UGT1A8: variants seen among roughly 807,000 people sequenced by gnomAD.
The protein encoded by UGT1A8 is UDP-glucuronosyltransferase 1A8.
Under a neutral mutation model 45.3 loss-of-function variants are expected in UGT1A8, and 39 were observed. The observed-to-expected ratio is 0.86, with a 90% CI of 0.67 to 1.12. UGT1A8 has a LOEUF of 1.12. Ranked by LOEUF, UGT1A8 falls within the 50% of genes most tolerant of loss-of-function variation. The pLI, the probability that UGT1A8 is intolerant of heterozygous loss-of-function variation, is 0.00. For missense variants in UGT1A8, 719 were observed against 664.9 expected (o/e 1.08, Z -0.90); for synonymous variants, 275 against 249.2 (o/e 1.10, Z -0.97).
chr2:233,659,028 C>T (rs2073912787), intron 1 of UGT1A8, among the ~76,000 whole-genome samples: 2 of 152,162 alleles, frequency 1.3e-5, no homozygotes, highest in African/African-American at 4.8e-5. Context: ...TACAGTTCAA[C>T]TGGGGAGAAA....
chr2:233,756,842 A>T (rs544297535), intron 1 of UGT1A8, among the ~76,000 whole-genome samples: 73 of 152,236 alleles, frequency 4.8e-4, no homozygotes, highest in African/African-American at 1.7e-3. Context: ...TTAACCAAAG[A>T]ACATTCTAAC....
intron 1 of UGT1A8, among the ~76,000 whole-genome samples, chr2:233,670,299 A>G (rs1212968693): frequency 6.6e-6 from 1 of 152,188 alleles, no homozygotes; most frequent in Admixed American, 6.5e-5. Context: ...CAGAGGGGGA[A>G]GAAGTGGAGG....
chr2:233,628,490 C>T (rs997590946), intron 1 of UGT1A8, among the ~76,000 whole-genome samples: 7 of 152,036 alleles, frequency 4.6e-5, no homozygotes, highest in South Asian at 2.1e-4. Flanking sequence ...GCTAAACTTA[C>T]GTATTTGTTC....
chr2:233,645,226 G>A (rs2073568388), intron 1 of UGT1A8, among the ~76,000 whole-genome samples: 1 of 152,160 alleles, frequency 6.6e-6, no homozygotes, highest in South Asian at 2.1e-4. Context: ...AACAGCATGG[G>A]AAAGACCTGC....
chr2:233,666,386 C>T (rs2074076034), intron 1 of UGT1A8, among the ~76,000 whole-genome samples: 2 of 152,158 alleles, frequency 1.3e-5, no homozygotes, highest in South Asian at 4.1e-4. Flanking sequence ...TTCATTGCAG[C>T]TATTTTAACG....
Position 233,769,884 on chromosome 2 carries a change from C to T in UGT1A8, c.1295+1445C>T, listed in dbSNP as rs1466829536. On this transcript the variant is annotated intron_variant, in intron 4 of 4. Transcript: ENST00000373450. The surrounding 1 kb of genome is among the most constrained non-coding windows in gnomAD (Gnocchi z 4.4). The stretch of plus-strand genomic sequence containing the variant: ...AAAAAAAAAAAAAAAATGAAAAGTC[C>T]ACATAACCTGAGCATCATGTGCCCA... 5.0e-6 allele frequency: 2 copies of T among 403,872 alleles called. No individual in the cohort carries two copies. Among genetic ancestry groups the T allele is most frequent in the Non-Finnish European group, 8.7e-6 (2 of 230,852 alleles). 25.0% of individuals were successfully genotyped at this position (403,872 alleles called of 1,614,324 possible).
intron 1 of UGT1A8, among the ~76,000 whole-genome samples, chr2:233,657,541 A>G (rs769371087): frequency 2.0e-5 from 3 of 152,212 alleles, no homozygotes; most frequent in Non-Finnish European, 4.4e-5. Flanking sequence ...CGGGAAAAAC[A>G]TACTAGGTCA....
chr2:233,672,828 C>T (rs745768489), intron 1 of UGT1A8: 5 of 1,562,164 alleles, frequency 3.2e-6, no homozygotes, highest in South Asian at 2.4e-5. Context: ...GAATACTTCA[C>T]CTTTGGAAAT....
intron 1 of UGT1A8, chr2:233,743,378 C>T: frequency 3.4e-6 from 4 of 1,169,960 alleles, no homozygotes; most frequent in South Asian, 1.3e-5. Context: ...CCATCACTAC[C>T]GTAGGACATG....
intron 1 of UGT1A8, among the ~76,000 whole-genome samples, chr2:233,698,217 G>C (rs1300246844): frequency 6.6e-6 from 1 of 151,932 alleles, no homozygotes. Flanking sequence ...TAATTATTAG[G>C]AATTAAATTA....
chr2:233,727,709 G>T (rs1490010404), intron 1 of UGT1A8, among the ~76,000 whole-genome samples: 2 of 152,172 alleles, frequency 1.3e-5, no homozygotes, highest in African/African-American at 4.8e-5. Flanking sequence ...AGTTCCCAAA[G>T]CCCTTGCAGA....
Position 233,767,934 on chromosome 2 carries a change from T to C in UGT1A8, c.1073T>C (p.Leu358Pro). 6.2e-7 allele frequency: 1 copy of C among 1,614,184 alleles called. No homozygotes were observed. Among genetic ancestry groups the C allele is most frequent in the Non-Finnish European group, 8.5e-7 (1 of 1,180,038 alleles). The stretch of plus-strand genomic sequence containing the variant: ...AAGTGGCTACCCCAAAACGATCTGC[T>C]TGGTATGTTGGGCGGATTGGATGTA... ...LVKWLPQNDL[L>P]GHPMTRAFIT... The change falls in exon 3 of 5, where the codon CTT becomes CCT. Residue 358 changes from leucine to proline, a missense_variant and splice_region_variant. Leu to Pro is a moderately conservative substitution (Grantham distance 98). Transcript: ENST00000373450.
At chr2:233,623,873 G>C (rs2073053382) in intron 1 of UGT1A8, among the ~76,000 whole-genome samples, 1 of 152,172 alleles carries the variant, frequency 6.6e-6, no homozygotes, top group Admixed American at 6.5e-5. Context: ...AAGACCATTT[G>C]CAGAGATCAT....
chr2:233,772,220 C>T (rs1700484860), intron 4 of UGT1A8, 42 bp from the exon 5 acceptor site: 1 of 1,612,710 alleles, frequency 6.2e-7, no homozygotes, highest in Non-Finnish European at 8.5e-7. Flanking sequence ...ATTGTTCATA[C>T]CACAGGTGTT....
Position 233,769,430 on chromosome 2 carries a change from C to A in UGT1A8, c.1295+991C>A. On this transcript the variant is annotated intron_variant, in intron 4 of 4. Transcript: ENST00000373450. This position sits in a 1 kb window ranked among gnomAD's most constrained non-coding sequence, Gnocchi z 4.4. ...GTGTGCGTTTGTGCATGTGGCTGTG[C>A]TCATGTGTGGGTGCACACGTGTGCA... 1 of 1,537,408 alleles carries A rather than the reference C, an allele frequency of 6.5e-7. No individual in the cohort carries two copies. Among genetic ancestry groups the A allele is most frequent in the Non-Finnish European group, 8.9e-7 (1 of 1,118,580 alleles).
intron 1 of UGT1A8, chr2:233,719,737 T>A: frequency 6.2e-7 from 1 of 1,613,180 alleles, no homozygotes; most frequent in Non-Finnish European, 8.5e-7. Context: ...AAACACTTTT[T>A]AAAAAATGTA....
intron 1 of UGT1A8, among the ~76,000 whole-genome samples, chr2:233,647,339 T>C (rs1324783899): frequency 6.6e-6 from 1 of 152,214 alleles, no homozygotes; most frequent in Non-Finnish European, 1.5e-5. Context: ...TGAGGATCTG[T>C]AGTTTTTGTA....
At chr2:233,746,950 G>T (rs1693515132) in intron 1 of UGT1A8, among the ~76,000 whole-genome samples, 1 of 151,804 alleles carries the variant, frequency 6.6e-6, no homozygotes. Context: ...AGAAACAAGA[G>T]CTTGAACTTG....
At chr2:233,733,583 G>C (rs2078417703) in intron 1 of UGT1A8, among the ~76,000 whole-genome samples, 2 of 152,122 alleles carry the variant, frequency 1.3e-5, no homozygotes, top group Admixed American at 1.3e-4. Context: ...TTTGTCATTG[G>C]TTCTGTTTAT....
Sources: allele counts gnomAD v4.1 joint callset (sites outside exome capture counted in the v4.1 genomes callset), GRCh38; gene constraint gnomAD v4.1.1; non-coding constraint Gnocchi (gnomAD v3.1); transcripts MANE v1.5; gene names NCBI Gene and HGNC (gene_info 2026-07-23, HGNC 2026-07-21).